Variants in NAV2 observed in about 807,000 individuals in gnomAD.
The protein encoded by NAV2 is neuron navigator 2.
Under a neutral mutation model 223.2 loss-of-function variants are expected in NAV2, and 54 were observed. The ratio of observed to expected loss-of-function variants is 0.24; its 90% CI spans 0.19 to 0.30. NAV2 has a LOEUF of 0.30. Ranked by LOEUF, NAV2 falls within the 10% of genes least tolerant of loss-of-function variation. The pLI, the probability that NAV2 is intolerant of heterozygous loss-of-function variation, is 1.00. For synonymous variants in NAV2, 1,279 were observed against 1,239.3 expected (o/e 1.03, Z -0.67); for missense variants, 2,806 against 3,147.5 (o/e 0.89, Z 2.60).
chr11:19,787,983 T>C (rs2057260721), intron 1 of NAV2, among the ~76,000 whole-genome samples: 1 of 152,156 alleles, frequency 6.6e-6, no homozygotes. Context: ...CCGTCCCACA[T>C]GTTACTTTCT....
chr11:19,955,977 G>C (rs1565638468), intron 10 of NAV2, among the ~76,000 whole-genome samples: 1 of 152,150 alleles, frequency 6.6e-6, no homozygotes, highest in Non-Finnish European at 1.5e-5. Context: ...CTCGAGATTT[G>C]GAAAGGATAG....
intron 1 of NAV2, among the ~76,000 whole-genome samples, chr11:19,651,511 A>G (rs2047967373): frequency 6.6e-6 from 1 of 152,212 alleles, no homozygotes; most frequent in Non-Finnish European, 1.5e-5. Context: ...AGAGGTGCCC[A>G]CATCAGTGAG....
intron 1 of NAV2, among the ~76,000 whole-genome samples, chr11:19,467,014 CACACAGAG>C (rs1189594286): frequency 4.4e-4 from 61 of 139,104 alleles, no homozygotes; most frequent in Non-Finnish European, 4.7e-4. Flanking sequence ...CACACACACA[CACACAGAG>C]AGAGAGAGAG....
intron 1 of NAV2, chr11:19,401,946 G>A (rs190497236): frequency 6.6e-6 from 1 of 152,322 alleles, no homozygotes; most frequent in Non-Finnish European, 1.5e-5. Context: ...GAGATCAGAC[G>A]AGATCGGGCG....
intron 1 of NAV2, among the ~76,000 whole-genome samples, chr11:19,675,046 G>C (rs778823091): frequency 2.0e-5 from 3 of 152,118 alleles, no homozygotes; most frequent in Admixed American, 6.5e-5. Context: ...GACCTCCAGA[G>C]ACCTCATGGC....
At chr11:19,392,356 A>T (rs527453725) in intron 1 of NAV2, among the ~76,000 whole-genome samples, 85 of 150,516 alleles carry the variant, frequency 5.6e-4, no homozygotes, top group African/African-American at 2.0e-3. Context: ...TCAGGAATAT[A>T]CAATTTGAGC....
At chr11:19,510,052 A>G (rs2043231544) in intron 1 of NAV2, among the ~76,000 whole-genome samples, 1 of 152,234 alleles carries the variant, frequency 6.6e-6, no homozygotes, top group Non-Finnish European at 1.5e-5. Context: ...TTGGAAAACT[A>G]GAAGCTATTA....
intron 1 of NAV2, among the ~76,000 whole-genome samples, chr11:19,774,189 CAG>C (rs1217292313): frequency 6.6e-6 from 1 of 152,184 alleles, no homozygotes; most frequent in African/African-American, 2.4e-5. Context: ...TTTCTTTTTG[CAG>C]AGTTTGTGGA....
At chr11:19,628,586 A>G (rs146285127) in intron 1 of NAV2, among the ~76,000 whole-genome samples, 17 of 152,342 alleles carry the variant, frequency 1.1e-4, no homozygotes, top group African/African-American at 3.8e-4. Flanking sequence ...ATTCAGGTGT[A>G]CACATGTAAC....
intron 1 of NAV2, among the ~76,000 whole-genome samples, chr11:19,357,052 C>T (rs1455667622): frequency 1.3e-5 from 2 of 152,212 alleles, no homozygotes; most frequent in East Asian, 1.9e-4. Context: ...TTTGGCTTTG[C>T]AGCTCTATCC....
chr11:19,779,873 A>C (rs1292514793), intron 1 of NAV2, among the ~76,000 whole-genome samples: 1 of 152,214 alleles, frequency 6.6e-6, no homozygotes, highest in Admixed American at 6.5e-5. Context: ...AGCCCTCAGC[A>C]GGAAGGAGCT....
intron 6 of NAV2, among the ~76,000 whole-genome samples, chr11:19,896,426 G>T (rs1376634298): frequency 1.3e-5 from 2 of 152,100 alleles, no homozygotes; most frequent in Non-Finnish European, 2.9e-5. Flanking sequence ...CACAGCATTT[G>T]TCTTTTTGTG....
intron 1 of NAV2, among the ~76,000 whole-genome samples, chr11:19,729,260 G>A (rs968565341): frequency 6.6e-6 from 1 of 152,186 alleles, no homozygotes; most frequent in Admixed American, 6.5e-5. Context: ...GAGAGGAGCT[G>A]AGGTTTGAAT....
chr11:20,080,954 G>A (rs573056134), intron 25 of NAV2, among the ~76,000 whole-genome samples: 2 of 152,258 alleles, frequency 1.3e-5, no homozygotes, highest in South Asian at 4.1e-4. Context: ...ACTGAGATTT[G>A]CTATCCCTTG....
chr11:19,582,200 G>A (rs1052256092), intron 1 of NAV2, among the ~76,000 whole-genome samples: 2 of 151,964 alleles, frequency 1.3e-5, no homozygotes, highest in Non-Finnish European at 2.9e-5. Context: ...TCGCCCACTT[G>A]TTGATGGGGT....
chr11:19,530,770 T>A (rs1205384177), intron 1 of NAV2, among the ~76,000 whole-genome samples: 1 of 152,260 alleles, frequency 6.6e-6, no homozygotes, highest in Non-Finnish European at 1.5e-5. Context: ...AGGCACTGTA[T>A]GCACATTAAC....
chr11:19,814,797 T>C (rs538361428), intron 1 of NAV2, among the ~76,000 whole-genome samples: 85 of 152,264 alleles, frequency 5.6e-4, no homozygotes, highest in African/African-American at 2.0e-3. Context: ...TCAGAGGCAA[T>C]GGCTTTATGA....
At chr11:19,448,158 C>T (rs1851656498) in intron 1 of NAV2, among the ~76,000 whole-genome samples, 1 of 152,094 alleles carries the variant, frequency 6.6e-6, no homozygotes, top group Admixed American at 6.5e-5. Flanking sequence ...TACCCCACCC[C>T]CCATCACACT....
chr11:19,658,084 A>G (rs113416886), intron 1 of NAV2, among the ~76,000 whole-genome samples: 2,223 of 152,332 alleles, frequency 0.015, 25 homozygotes, highest in Middle Eastern at 0.027. Flanking sequence ...CAAACAATAA[A>G]TATATTTTAC....
Sources: gnomAD v4.1 joint callset for allele counts (sites outside exome capture counted in the v4.1 genomes callset) on GRCh38, gnomAD v4.1.1 for gene constraint, MANE v1.5 for transcripts, NCBI Gene and HGNC (gene_info 2026-07-23, HGNC 2026-07-21) for gene names.